CEP63: variants seen among roughly 807,000 people sequenced by gnomAD.
CEP63 encodes centrosomal protein of 63 kDa.
A neutral mutation model predicts 89.1 loss-of-function variants in CEP63; 84 were observed. The observed-to-expected ratio is 0.94, with a 90% confidence interval of 0.79 to 1.13. The LOEUF (loss-of-function observed/expected upper bound fraction) is 1.13. CEP63 is among the 50% of genes most tolerant of loss of function. CEP63 has a pLI of 0.00. For synonymous variants in CEP63, 267 were observed against 272.5 expected (o/e 0.98, Z 0.20); for missense variants, 838 against 813.3 (o/e 1.03, Z -0.37).
chr3:134,556,692 C>CT, intron 12 of CEP63, among the ~76,000 whole-genome samples: 1 of 152,294 alleles, frequency 6.6e-6, no homozygotes. Flanking sequence ...ACCAGAGATG[C>CT]TGTTCAGCTT....
intron 1 of CEP63, among the ~76,000 whole-genome samples, chr3:134,486,974 A>G (rs1935721478): frequency 6.6e-6 from 1 of 152,228 alleles, no homozygotes; most frequent in Non-Finnish European, 1.5e-5. Context: ...TCAGGAGAGT[A>G]AAGATGAGTA....
the CEP63 span, among the ~76,000 whole-genome samples, chr3:134,745,047 C>T: frequency 1.3e-5 from 2 of 152,190 alleles, no homozygotes; most frequent in Non-Finnish European, 2.9e-5. Flanking sequence ...ACCTATCACC[C>T]CAAAGAATTT....
At chr3:134,514,489 T>A (rs149017574) in intron 3 of CEP63, among the ~76,000 whole-genome samples, 167 of 151,924 alleles carry the variant, frequency 1.1e-3, no homozygotes, top group Admixed American at 3.5e-3. Context: ...TCAAGCAAGA[T>A]AAGTAAAAAG....
the CEP63 span, among the ~76,000 whole-genome samples, chr3:134,691,137 T>C: frequency 2.0e-5 from 3 of 152,302 alleles, no homozygotes; most frequent in East Asian, 5.8e-4. Flanking sequence ...GGCAGATGGC[T>C]TGAGCCTAGG....
chr3:134,655,813 C>G, the CEP63 span, among the ~76,000 whole-genome samples: 1 of 152,174 alleles, frequency 6.6e-6, no homozygotes, highest in African/African-American at 2.4e-5. Flanking sequence ...TGGAAAAATT[C>G]TTTGAGCTCA....
chr3:134,644,152 CAG>C, the CEP63 span, among the ~76,000 whole-genome samples: 822 of 152,316 alleles, frequency 5.4e-3, 12 homozygotes, highest in African/African-American at 0.018. Context: ...ATGAGAAGAA[CAG>C]GGGGCCAGCC....
chr3:134,577,431 CTTTT>C (rs10662705), downstream of CEP63, among the ~76,000 whole-genome samples: 524 of 86,298 alleles, frequency 6.1e-3, 2 homozygotes, highest in African/African-American at 0.024. Flanking sequence ...TTCTAATCCA[CTTTT>C]TTTTTTTTTT....
chr3:134,708,983 A>T, the CEP63 span, among the ~76,000 whole-genome samples: 1 of 152,260 alleles, frequency 6.6e-6, no homozygotes, highest in South Asian at 2.1e-4. Flanking sequence ...CTCAGGAAAA[A>T]AACCACTGTC....
chr3:134,625,391 G>A, the CEP63 span, among the ~76,000 whole-genome samples: 5 of 152,260 alleles, frequency 3.3e-5, no homozygotes, highest in Admixed American at 6.5e-5. Context: ...TAGACTCTGA[G>A]AAGTCAGAAG....
the CEP63 span, among the ~76,000 whole-genome samples, chr3:134,678,206 G>A: frequency 1.3e-5 from 2 of 152,000 alleles, no homozygotes; most frequent in Admixed American, 6.5e-5. Flanking sequence ...GTTTCTCTCT[G>A]TGATGTGTTG....
the CEP63 span, chr3:134,624,974 G>A: frequency 1.6e-5 from 20 of 1,227,868 alleles, no homozygotes; most frequent in Non-Finnish European, 2.1e-5. Context: ...TTCAGGAGGT[G>A]TCTGGGGAGA....
chr3:134,762,441 G>A, the CEP63 span, among the ~76,000 whole-genome samples: 2 of 152,140 alleles, frequency 1.3e-5, no homozygotes, highest in Non-Finnish European at 2.9e-5. Context: ...TCTAAAATTC[G>A]TATGTTGAAG....
the CEP63 span, among the ~76,000 whole-genome samples, chr3:134,686,932 G>A: frequency 2.0e-5 from 3 of 152,162 alleles, no homozygotes; most frequent in African/African-American, 7.2e-5. Context: ...TCTGCACCAT[G>A]ATGCAGAAAA....
At chr3:134,602,645 A>G in the CEP63 span, among the ~76,000 whole-genome samples, 1 of 152,064 alleles carries the variant, frequency 6.6e-6, no homozygotes. Flanking sequence ...AGACTCCCCA[A>G]GGGCCTGGCC....
chr3:134,750,412 T>G, the CEP63 span, among the ~76,000 whole-genome samples: 5 of 152,210 alleles, frequency 3.3e-5, no homozygotes, highest in African/African-American at 4.8e-5. Flanking sequence ...TGGAAGCAAC[T>G]GAGCCCAGGG....
At chr3:134,644,671 G>A in the CEP63 span, among the ~76,000 whole-genome samples, 7 of 152,246 alleles carry the variant, frequency 4.6e-5, no homozygotes. Flanking sequence ...CTGAACAGGT[G>A]CATTTAGATG....
At chr3:134,681,277 G>A in the CEP63 span, among the ~76,000 whole-genome samples, 101 of 152,284 alleles carry the variant, frequency 6.6e-4, no homozygotes, top group Non-Finnish European at 1.1e-3. Context: ...AGTGAGGGAC[G>A]GTTGCCTGGC....
chr3:134,512,120 A>G (rs1208840419), intron 3 of CEP63, among the ~76,000 whole-genome samples: 1 of 152,196 alleles, frequency 6.6e-6, no homozygotes, highest in African/African-American at 2.4e-5. Context: ...TGCTGAGAAA[A>G]TTTTGGTTGT....
chr3:134,576,783 C>T (rs930598513), downstream of CEP63, among the ~76,000 whole-genome samples: 13 of 152,206 alleles, frequency 8.5e-5, no homozygotes, highest in South Asian at 4.1e-4. Flanking sequence ...ACCCTGGCCT[C>T]GGGGTCTGGG....
Sources: gnomAD v4.1 joint callset for allele counts (sites outside exome capture counted in the v4.1 genomes callset) on GRCh38, gnomAD v4.1.1 for gene constraint, MANE v1.5 for transcripts, NCBI Gene and HGNC (gene_info 2026-07-23, HGNC 2026-07-21) for gene names.